Variants in TAS2R1 observed in about 807,000 individuals in gnomAD.
TAS2R1 encodes the protein taste receptor type 2 member 1.
For missense variants in TAS2R1, 370 were observed against 353.4 expected (o/e 1.05, Z -0.38); for synonymous variants, 141 against 134.2 (o/e 1.05, Z -0.35).
chr5:9,800,711 T>C, the TAS2R1 span, among the ~76,000 whole-genome samples: 1 of 152,178 alleles, frequency 6.6e-6, no homozygotes, highest in Non-Finnish European at 1.5e-5. Flanking sequence ...TTCTAGTCCT[T>C]CTCATGCCAC....
the TAS2R1 span, among the ~76,000 whole-genome samples, chr5:9,761,871 T>A: frequency 2.0e-5 from 3 of 152,348 alleles, no homozygotes; most frequent in East Asian, 5.8e-4. Flanking sequence ...TGGCTTTCTG[T>A]GTAGCTCCAC....
At chr5:9,811,543 T>A in the TAS2R1 span, among the ~76,000 whole-genome samples, 1 of 152,148 alleles carries the variant, frequency 6.6e-6, no homozygotes, top group Non-Finnish European at 1.5e-5. Flanking sequence ...CTTCTCCACC[T>A]CTTCCTCTGA....
chr5:9,871,620 AG>A, the TAS2R1 span, among the ~76,000 whole-genome samples: 1 of 152,138 alleles, frequency 6.6e-6, no homozygotes, highest in East Asian at 1.9e-4. Flanking sequence ...TATCTACAGG[AG>A]GAATTTTACC....
At chr5:9,870,996 A>G in the TAS2R1 span, among the ~76,000 whole-genome samples, 1 of 152,338 alleles carries the variant, frequency 6.6e-6, no homozygotes, top group East Asian at 1.9e-4. Context: ...AAAAAGAACT[A>G]GCATTTTCTA....
the TAS2R1 span, among the ~76,000 whole-genome samples, chr5:9,752,028 C>T: frequency 6.6e-6 from 1 of 152,162 alleles, no homozygotes; most frequent in African/African-American, 2.4e-5. Flanking sequence ...TGTCATTAGA[C>T]TGTAGTTGAT....
chr5:9,785,397 G>C, the TAS2R1 span, among the ~76,000 whole-genome samples: 2 of 152,162 alleles, frequency 1.3e-5, no homozygotes, highest in Non-Finnish European at 2.9e-5. Flanking sequence ...CATCTTCCAA[G>C]GCTCTAAAGC....
At chr5:9,818,347 T>C in the TAS2R1 span, among the ~76,000 whole-genome samples, 5 of 152,212 alleles carry the variant, frequency 3.3e-5, no homozygotes, top group Non-Finnish European at 5.9e-5. Flanking sequence ...CTCTAGAGTA[T>C]ATGCCTTGAG....
chr5:9,739,203 G>A, the TAS2R1 span, among the ~76,000 whole-genome samples: 2 of 152,130 alleles, frequency 1.3e-5, no homozygotes, highest in South Asian at 2.1e-4. Context: ...ACCCCTACAA[G>A]TTCAAATCCA....
At chr5:9,764,817 T>C in the TAS2R1 span, among the ~76,000 whole-genome samples, 1 of 152,218 alleles carries the variant, frequency 6.6e-6, no homozygotes, top group Non-Finnish European at 1.5e-5. Context: ...CCAAGGTTTA[T>C]GTATAAAATT....
the TAS2R1 span, among the ~76,000 whole-genome samples, chr5:9,840,826 CATTTT>C: frequency 1.5e-4 from 21 of 143,260 alleles, no homozygotes; most frequent in African/African-American, 5.0e-4. Flanking sequence ...CTTTATTTTT[CATTTT>C]ATTTTATTTA....
At chr5:9,797,665 ATTAGTGCC>A in the TAS2R1 span, among the ~76,000 whole-genome samples, 3 of 152,154 alleles carry the variant, frequency 2.0e-5, no homozygotes, top group African/African-American at 7.2e-5. Context: ...ATCAGGAAAA[ATTAGTGCC>A]TAATAAAGGT....
chr5:9,782,418 T>C, the TAS2R1 span, among the ~76,000 whole-genome samples: 3 of 120,410 alleles, frequency 2.5e-5, no homozygotes, highest in Non-Finnish European at 4.8e-5. Flanking sequence ...CTGATGCCCT[T>C]ACCAAGCTGA....
the TAS2R1 span, among the ~76,000 whole-genome samples, chr5:9,862,506 T>C: frequency 6.6e-6 from 1 of 152,172 alleles, no homozygotes; most frequent in East Asian, 1.9e-4. Context: ...CCCTATTCCC[T>C]GGATAAGGAG....
At chr5:9,884,372 G>A in the TAS2R1 span, among the ~76,000 whole-genome samples, 20 of 151,758 alleles carry the variant, frequency 1.3e-4, no homozygotes, top group African/African-American at 4.8e-4. Flanking sequence ...TACTCGGGAG[G>A]CTGAGGGAGG....
At chr5:9,645,185 C>T (rs749139866) in intron 2 of TAS2R1, among the ~76,000 whole-genome samples, 4 of 152,140 alleles carry the variant, frequency 2.6e-5, no homozygotes, top group Non-Finnish European at 5.9e-5. Context: ...TTAGTGCTTA[C>T]AACGCTAAAC....
chr5:9,758,541 G>A, the TAS2R1 span, among the ~76,000 whole-genome samples: 2 of 152,172 alleles, frequency 1.3e-5, no homozygotes, highest in African/African-American at 2.4e-5. Flanking sequence ...TCACCCAACA[G>A]AGAAGAGACC....
intron 2 of TAS2R1, among the ~76,000 whole-genome samples, chr5:9,643,594 AT>A (rs1324924134): frequency 2.0e-5 from 3 of 152,204 alleles, no homozygotes; most frequent in Admixed American, 2.0e-4. Flanking sequence ...TTCATAAAAA[AT>A]AAAGTAATTG....
At chr5:9,751,370 G>T in the TAS2R1 span, among the ~76,000 whole-genome samples, 1 of 151,710 alleles carries the variant, frequency 6.6e-6, no homozygotes, top group Admixed American at 6.6e-5. Flanking sequence ...GTCACTTCTG[G>T]TCAATATATT....
the TAS2R1 span, among the ~76,000 whole-genome samples, chr5:9,741,947 G>C: frequency 6.6e-6 from 1 of 152,164 alleles, no homozygotes; most frequent in African/African-American, 2.4e-5. Flanking sequence ...CCAGGCTGCA[G>C]TGCAATGGCA....
Sources: gnomAD v4.1 joint callset for allele counts (sites outside exome capture counted in the v4.1 genomes callset) on GRCh38, gnomAD v4.1.1 for gene constraint, MANE v1.5 for transcripts, NCBI Gene and HGNC (gene_info 2026-07-23, HGNC 2026-07-21) for gene names.